The following PLG variants were observed in gnomAD, a reference collection of about 807,000 sequenced individuals.
PLG encodes the protein plasmin.
A neutral mutation model predicts 104.4 loss-of-function variants in PLG; 41 were observed. That is an observed-to-expected ratio of 0.39 (90% CI 0.31 to 0.51). PLG has a LOEUF of 0.51. Among genes scored for constraint, PLG ranks in the 20% least tolerant of loss-of-function variants. The pLI, the probability that PLG is intolerant of heterozygous loss-of-function variation, is 0.76. For synonymous variants in PLG, 337 were observed against 357.1 expected, an observed-to-expected ratio of 0.94 and a Z score of 0.63; for missense variants, 891 against 1,003.6, an observed-to-expected ratio of 0.89 and a Z score of 1.52.
intron 9 of PLG, among the ~76,000 whole-genome samples, chr6:160,721,987 G>A (rs1777838285): frequency 1.3e-5 from 2 of 152,280 alleles, no homozygotes; most frequent in South Asian, 4.1e-4. Flanking sequence ...AGAAGCTTTG[G>A]TCTTTGGCTT....
intron 17 of PLG, among the ~76,000 whole-genome samples, chr6:160,747,085 A>G (rs1426864261): frequency 2.0e-5 from 3 of 152,346 alleles, no homozygotes; most frequent in African/African-American, 4.8e-5. Context: ...TCTTAACACA[A>G]TGTAAAACAA....
In PLG at chr6:160,741,360, A is replaced by G. The variant is rs762765275; in HGVS notation, c.2068A>G (p.Asn690Asp). ...AATCCCAGCTTGTCTGCCATCCCCA[A>G]ATTATGTGGTCGCTGACCGGACCGA... ...KVIPACLPSP[N>D]YVVADRTECF... is the part of the protein sequence containing the mutation. The change falls in exon 17 of 19, where the codon AAT (asparagine) becomes GAT (aspartate). Residue 690 changes from asparagine (N) to aspartate (D), a missense_variant. This residue lies in a region of PLG where 854 missense variants were observed against 932.1 expected (regional missense o/e 0.92). Transcript: ENST00000308192. This position sits in a 1 kb window ranked among gnomAD's most constrained non-coding sequence, Gnocchi z 4.7. 10 of 1,613,658 alleles carry G rather than the reference A, an allele frequency of 6.2e-6. No individual in the cohort carries two copies. The East Asian group carries it at 2.2e-4, about 36-fold the overall frequency.
chr6:160,751,901 G>A (rs544028420), intron 17 of PLG, among the ~76,000 whole-genome samples: 11 of 152,184 alleles, frequency 7.2e-5, no homozygotes, highest in Middle Eastern at 3.4e-3. Flanking sequence ...AAACCAACAC[G>A]ACAAAGCCCA....
intron 3 of PLG, among the ~76,000 whole-genome samples, chr6:160,709,529 T>C (rs1379423595): frequency 6.6e-6 from 1 of 152,194 alleles, no homozygotes; most frequent in African/African-American, 2.4e-5. Context: ...GCTAAACTTT[T>C]CTACACTGGC....
intron 2 of PLG, among the ~76,000 whole-genome samples, chr6:160,707,244 C>A (rs541689735): frequency 2.2e-4 from 33 of 152,100 alleles, no homozygotes; most frequent in African/African-American, 6.7e-4. Flanking sequence ...CCAGACTGAG[C>A]ACCCATAGCA....
intron 1 of PLG, among the ~76,000 whole-genome samples, chr6:160,703,569 A>T (rs1433975784): frequency 6.6e-6 from 1 of 152,248 alleles, no homozygotes; most frequent in African/African-American, 2.4e-5. Context: ...CTTGAAATTC[A>T]ATCTATAAAT....
chr6:160,740,876 G>A lies in PLG; in HGVS notation c.2019-435G>A, dbSNP rs1310222722. 6.6e-6 allele frequency among the ~76,000 whole-genome samples: 1 copy of A among 152,156 alleles called. No homozygotes were observed. Among genetic ancestry groups the A allele is most frequent in the East Asian group, 1.9e-4 (1 of 5,194 alleles). ...GGAGGAAATGGAGGATCCAAGGATG[G>A]AGCAAGTTGCTCTGGGCACACAACA... On this transcript the variant is annotated intron_variant, in intron 16 of 18. Transcript: ENST00000308192. This position sits in a 1 kb window ranked among gnomAD's most constrained non-coding sequence, Gnocchi z 5.2.
rs964529153 is a variant in PLG at position 160,740,726 on chromosome 6, A to G, written c.2019-585A>G. 1.3e-5 allele frequency among the ~76,000 whole-genome samples: 2 copies of G among 152,372 alleles called. No individual in the cohort carries two copies. The highest frequency in any genetic ancestry group is 2.4e-5 in the African/African-American group (1 of 41,590). The stretch of plus-strand genomic sequence containing the variant: ...TTGAGAGTCCCTGGGACTCTAAAGT[A>G]TATGAATGTTCTTTGAAAACAAATA... On this transcript the variant is annotated intron_variant, in intron 16 of 18. Transcript: ENST00000308192. The surrounding 1 kb of genome is among the most constrained non-coding windows in gnomAD (Gnocchi z 5.2).
chr6:160,718,263 T>A, intron 7 of PLG, 31 bp from the exon 8 acceptor site: 2 of 1,589,532 alleles, frequency 1.3e-6, no homozygotes, highest in Non-Finnish European at 1.7e-6. Flanking sequence ...AAAATATATA[T>A]ATTCATTGTA....
Position 160,738,064 on chromosome 6 carries a change from G to T in PLG, c.1803-474G>T, listed in dbSNP as rs1778117684. Among the ~76,000 whole-genome samples, 1 of 152,220 alleles carries T rather than the reference G, an allele frequency of 6.6e-6. No homozygotes were observed. Among genetic ancestry groups the T allele is most frequent in the South Asian group, 2.1e-4 (1 of 4,838 alleles). ...GTGATTCAGGAAACATTCCCCAAAAGTAAAGTTTCTCAGGTAAGATCAGAA... is the reference window on the plus strand; with the variant it reads ...GTGATTCAGGAAACATTCCCCAAAATTAAAGTTTCTCAGGTAAGATCAGAA... On this transcript the variant is annotated intron_variant, in intron 14 of 18. Coordinates refer to ENST00000308192, the MANE Select transcript of PLG (RefSeq NM_000301.5). This position sits in a 1 kb window ranked among gnomAD's most constrained non-coding sequence, Gnocchi z 6.8.
At chr6:160,707,592 G>T in intron 2 of PLG, 108 bp from the exon 3 acceptor site, 3 of 1,176,864 alleles carry the variant, frequency 2.5e-6, no homozygotes, top group Non-Finnish European at 3.8e-6. Context: ...TGAGCTCTCT[G>T]GTCCCTCAAG....
chr6:160,722,373 A>G, intron 9 of PLG, 35 bp from the exon 10 acceptor site: 1 of 1,555,264 alleles, frequency 6.4e-7, no homozygotes, highest in Non-Finnish European at 8.9e-7. Flanking sequence ...TTTTTCAGTA[A>G]TTGTTAAGCT....
chr6:160,738,670 T>TTTTCCTCC lies in PLG; in HGVS notation c.1877+73_1877+80dup. 1 of 1,121,408 alleles carries TTTTCCTCC rather than the reference T, an allele frequency of 8.9e-7. No homozygotes were observed. The highest frequency in any genetic ancestry group is 1.7e-5 in the Admixed American group (1 of 59,372). 69.5% of individuals were successfully genotyped at this position (1,121,408 alleles called of 1,614,324 possible). A position where few individuals can be genotyped will look rare whatever the true frequency, so the allele number is the denominator to read the frequency against. On this transcript the variant is annotated intron_variant, in intron 15 of 18. Transcript: ENST00000308192. The surrounding 1 kb of genome is among the most constrained non-coding windows in gnomAD (Gnocchi z 6.8). ...GTCTTAAATACTTTTTCTGTCCTTCTTTTCCTCCTTTCCTCCTTTCCTTTC... is the reference window on the plus strand; with the variant it reads ...GTCTTAAATACTTTTTCTGTCCTTCTTTTCCTCCTTTCCTCCTTTCCTCCTTTCCTTTC...
At chr6:160,727,259 C>G (rs966336112) in intron 10 of PLG, among the ~76,000 whole-genome samples, 1 of 151,410 alleles carries the variant, frequency 6.6e-6, no homozygotes, top group Non-Finnish European at 1.5e-5. Context: ...AATCTGATAT[C>G]TATTAAAGAC....
chr6:160,741,006 C>G lies in PLG; in HGVS notation c.2019-305C>G, dbSNP rs916336997. 6.6e-6 allele frequency among the ~76,000 whole-genome samples: 1 copy of G among 152,176 alleles called. No homozygotes were observed. The highest frequency in any genetic ancestry group is 1.5e-5 in the Non-Finnish European group (1 of 68,028). On this transcript the variant is annotated intron_variant, in intron 16 of 18. Coordinates refer to ENST00000308192, the MANE Select transcript of PLG (RefSeq NM_000301.5). This position sits in a 1 kb window ranked among gnomAD's most constrained non-coding sequence, Gnocchi z 4.7. ...AAAAGGACACACTCAGCATGAGATT[C>G]CAGTTGTGCACAGAATATACATGAG...
rs374172899 is a variant in PLG, at chr6:160,726,587, T to TAA, written c.1256+4020_1256+4021insAA. On this transcript the variant is annotated intron_variant, in intron 10 of 18. Transcript: ENST00000308192. The surrounding 1 kb of genome is among the most constrained non-coding windows in gnomAD (Gnocchi z 4.4). The stretch of plus-strand genomic sequence containing the variant: ...CTATGAGGTTAAAACACCTTTAAAT[T>TAA]TAAAAAAAAAAGATTTTATTTGCTA... Among the ~76,000 whole-genome samples, 1,631 of 131,966 alleles carry TAA rather than the reference T, an allele frequency of 0.012. 21 individuals are homozygous for TAA. Among genetic ancestry groups the TAA allele is most frequent in the South Asian group, 0.053 (214 of 4,044 alleles). The allele number at this position is 131,966 out of a possible 152,430, so 86.6% of individuals were successfully genotyped here.
In PLG at chr6:160,736,967, C is replaced by T. The variant is rs1778095558; in HGVS notation, c.1762C>T (p.His588Tyr). ...PGRVVGGCVA[H>Y]PHSWPWQVSL... ...AAGGGTTGTAGGGGGGTGTGTGGCC[C>T]ACCCACATTCCTGGCCCTGGCAAGT... is the stretch of plus-strand genomic sequence containing the variant. Residue 588 changes from histidine to tyrosine, a missense_variant, in exon 14 of 19, where the codon CAC (histidine) becomes TAC (tyrosine). This residue lies in a region of PLG where 854 missense variants were observed against 932.1 expected (regional missense o/e 0.92). Transcript: ENST00000308192. The surrounding 1 kb of genome is among the most constrained non-coding windows in gnomAD (Gnocchi z 5.2). The T allele has an allele frequency of 6.2e-7, 1 of 1,613,716 alleles. No homozygotes were observed. The highest frequency in any genetic ancestry group is 1.3e-5 in the African/African-American group (1 of 74,880).
In PLG at chr6:160,739,152, G is replaced by T. The variant is rs4252196; in HGVS notation, c.1962G>T (p.Val654=). 2,526 of 1,614,152 alleles carry T rather than the reference G, an allele frequency of 1.6e-3. 2 individuals carry two copies. The highest frequency in any genetic ancestry group is 1.9e-3 in the Non-Finnish European group (2,255 of 1,180,034). ...AACCGCATGTTCAGGAAATAGAAGTGTCTAGGCTGTTCTTGGAGCCCACAC... is the reference window on the plus strand; with the variant it reads ...AACCGCATGTTCAGGAAATAGAAGTTTCTAGGCTGTTCTTGGAGCCCACAC... The part of the protein sequence containing the change: ...NLEPHVQEIE[V]SRLFLEPTRK... The change falls in exon 16 of 19, where the codon GTG becomes GTT. Residue 654 remains valine, a synonymous_variant. Coordinates refer to ENST00000308192, the MANE Select transcript of PLG (RefSeq NM_000301.5). This position sits in a 1 kb window ranked among gnomAD's most constrained non-coding sequence, Gnocchi z 4.4.
Position 160,752,171 on chromosome 6 carries a change from G to A in PLG, c.2182G>A (p.Val728Met), listed in dbSNP as rs1324182062. The change falls in exon 18 of 19, where the codon GTG becomes ATG. Residue 728 changes from valine (V) to methionine (M), a missense_variant. Transcript: ENST00000308192. This position sits in a 1 kb window ranked among gnomAD's most constrained non-coding sequence, Gnocchi z 4.7. ...CCAGCTCCCTGTGATTGAGAATAAA[G>A]TGTGCAATCGCTATGAGTTTCTGAA... ...EAQLPVIENKVCNRYEFLNGR... is the reference protein window; with the variant it reads ...EAQLPVIENKMCNRYEFLNGR... 1 of 1,611,530 alleles carries A rather than the reference G, an allele frequency of 6.2e-7. No homozygotes were observed. Among genetic ancestry groups the A allele is most frequent in the Non-Finnish European group, 8.5e-7 (1 of 1,177,580 alleles).
Sources: gnomAD v4.1 joint callset for allele counts (sites outside exome capture counted in the v4.1 genomes callset) on GRCh38, gnomAD v4.1.1 for gene constraint, gnomAD v4.1.1 regional missense constraint, Gnocchi (gnomAD v3.1) non-coding constraint, MANE v1.5 for transcripts, NCBI Gene and HGNC (gene_info 2026-07-23, HGNC 2026-07-21) for gene names.